The following NELL2 variants were observed in gnomAD, a reference collection of about 807,000 sequenced individuals.
The protein encoded by NELL2 is protein kinase C-binding protein NELL2.
NELL2 carries 41 observed loss-of-function variants against 109.6 expected under a neutral mutation model. The observed-to-expected ratio is 0.37, with a 90% CI of 0.29 to 0.49. NELL2 has a LOEUF of 0.49. Ranked by LOEUF, NELL2 falls within the 20% of genes least tolerant of loss-of-function variation. NELL2 has a pLI of 0.98. For missense variants in NELL2, 900 were observed against 1,008.3 expected, an observed-to-expected ratio of 0.89 and a Z score of 1.45; for synonymous variants, 355 against 344.7, an observed-to-expected ratio of 1.03 and a Z score of -0.33.
chr12:44,854,668 ATGGATGGATGGATGGG>A (rs1468248911), intron 2 of NELL2, among the ~76,000 whole-genome samples: 151 of 48,702 alleles, frequency 3.1e-3, no homozygotes, highest in Non-Finnish European at 6.0e-3. Flanking sequence ...GGATGGATGG[ATGGATGGATGGATGGG>A]TGGATGGATG....
At chr12:44,843,975 T>C (rs533874582) in intron 2 of NELL2, among the ~76,000 whole-genome samples, 4 of 152,234 alleles carry the variant, frequency 2.6e-5, no homozygotes, top group African/African-American at 7.2e-5. Context: ...TCAGCCATGA[T>C]TGTGTCACTG....
At position 44,766,848 on chromosome 12, in the gene NELL2, G is replaced by A. The variant is rs561953077; in HGVS notation, c.994+7899C>T. Among the ~76,000 whole-genome samples the A allele has an allele frequency of 3.2e-4, 49 of 152,230 alleles. 2 individuals carry two copies. In the South Asian group the frequency reaches 1.0e-2, roughly 31 times the overall value. On this transcript the variant is annotated intron_variant, in intron 9 of 19. Transcript: ENST00000429094. ...AACGCTTTCTTCTGAAAAGTCTTTG[G>A]TCACTTAAGCAATGCCATTATATGT...
At chr12:44,916,347 T>C (rs1300684882), upstream of NELL2, among the ~76,000 whole-genome samples, 1 of 151,580 alleles carries the variant, frequency 6.6e-6, no homozygotes, top group Non-Finnish European at 1.5e-5. Context: ...GAAGAGGAAG[T>C]GAAATAGAAA....
In NELL2 at chr12:44,685,587, A is replaced by G. The variant is rs370401907; in HGVS notation, c.1318+18139T>C. 7.2e-5 allele frequency among the ~76,000 whole-genome samples: 11 copies of G among 152,184 alleles called. No homozygotes were observed. In the East Asian group the frequency reaches 2.1e-3, roughly 30 times the overall value. ...CTTTCCAATGTTTAGCGCTTCCTTC[A>G]GGAGCTCTTTTATGGCAGCCCTGGT... On this transcript the variant is annotated intron_variant, in intron 12 of 19. Coordinates refer to ENST00000429094, the MANE Select transcript of NELL2 (RefSeq NM_001145108.2).
rs1941879227 is a variant in NELL2 at position 44,779,645 on chromosome 12, A to G, written c.606+18T>C. 2 of 1,594,700 alleles carry G rather than the reference A, an allele frequency of 1.3e-6. No homozygotes were observed. Among genetic ancestry groups the G allele is most frequent in the Admixed American group, 1.7e-5 (1 of 59,678 alleles). On this transcript the variant is annotated intron_variant, in intron 5 of 19. Transcript: ENST00000429094. ...GAAAGCATTTACATTTCATTCTCAGACTTTTGCCAAAAGATACCTTAAAAT... is the reference window on the plus strand; with the variant it reads ...GAAAGCATTTACATTTCATTCTCAGGCTTTTGCCAAAAGATACCTTAAAAT...
chr12:44,529,666 C>T (rs561167922), intron 16 of NELL2, among the ~76,000 whole-genome samples: 9 of 152,022 alleles, frequency 5.9e-5, no homozygotes, highest in Non-Finnish European at 1.2e-4. Flanking sequence ...AATTATGTTT[C>T]GAGAGAAAGG....
chr12:44,881,086 G>A (rs1340127630), upstream of NELL2: 2 of 151,976 alleles, frequency 1.3e-5, no homozygotes, highest in Non-Finnish European at 2.9e-5. Context: ...ACAAAAGGAA[G>A]ACAAGTCAAA....
At chr12:44,664,920 G>A (rs1032594526) in intron 13 of NELL2, among the ~76,000 whole-genome samples, 1 of 151,916 alleles carries the variant, frequency 6.6e-6, no homozygotes, top group African/African-American at 2.4e-5. Flanking sequence ...CCCCAAGCCA[G>A]GACCAACTTC....
At chr12:44,750,939 G>T (rs1213587771) in intron 9 of NELL2, among the ~76,000 whole-genome samples, 1 of 152,052 alleles carries the variant, frequency 6.6e-6, no homozygotes, top group Non-Finnish European at 1.5e-5. Flanking sequence ...AGGTGTTTGG[G>T]TTCTCCCTAA....
chr12:44,561,296 C>G (rs538223434), intron 15 of NELL2, among the ~76,000 whole-genome samples: 1 of 152,272 alleles, frequency 6.6e-6, no homozygotes, highest in South Asian at 2.1e-4. Flanking sequence ...TCTCACCATT[C>G]CTATTCAACA....
At chr12:44,657,187 TATC>T (rs1947535474) in intron 13 of NELL2, among the ~76,000 whole-genome samples, 2 of 152,100 alleles carry the variant, frequency 1.3e-5, no homozygotes, top group Admixed American at 1.3e-4. Flanking sequence ...GTGAAGAAAA[TATC>T]ATCATAAAAT....
chr12:44,729,533 C>T (rs1037448508), intron 9 of NELL2, among the ~76,000 whole-genome samples: 7 of 146,458 alleles, frequency 4.8e-5, no homozygotes, highest in Admixed American at 1.4e-4. Context: ...ATGGATTAAA[C>T]TGTCAAAAGA....
At chr12:44,603,463 TA>T (rs1453162034) in intron 15 of NELL2, among the ~76,000 whole-genome samples, 1 of 152,194 alleles carries the variant, frequency 6.6e-6, no homozygotes, top group Non-Finnish European at 1.5e-5. Context: ...TGCTGAGGTT[TA>T]GCAATTGTGT....
At chr12:44,765,690 C>A (rs1941300665) in intron 9 of NELL2, among the ~76,000 whole-genome samples, 3 of 152,170 alleles carry the variant, frequency 2.0e-5, no homozygotes, top group African/African-American at 7.2e-5. Flanking sequence ...GTTCTTACCA[C>A]CACCAACTCC....
chr12:44,545,189 G>T (rs1403702210), intron 15 of NELL2, among the ~76,000 whole-genome samples: 1 of 151,950 alleles, frequency 6.6e-6, no homozygotes, highest in African/African-American at 2.4e-5. Flanking sequence ...TTTAATAAAA[G>T]AATTCTGGAA....
Position 44,834,527 on chromosome 12 carries a change from A to G in NELL2, c.185-18391T>C, listed in dbSNP as rs1943991084. Among the ~76,000 whole-genome samples, 6 of 151,716 alleles carry G rather than the reference A, an allele frequency of 4.0e-5. No homozygotes were observed. In the South Asian group the frequency reaches 1.3e-3, roughly 32 times the overall value. ...TATATCACAAACATACGCTATGTAC[A>G]GCAACAAATACCCAGGGGGCCAGGC... On this transcript the variant is annotated intron_variant, in intron 2 of 19. Transcript: ENST00000429094.
At chr12:44,549,449 A>G (rs1038020597) in intron 15 of NELL2, among the ~76,000 whole-genome samples, 5 of 152,168 alleles carry the variant, frequency 3.3e-5, no homozygotes, top group Non-Finnish European at 5.9e-5. Context: ...GAAACACTTA[A>G]CTTTGGGCAG....
At chr12:44,806,452 A>C (rs1219428564) in intron 3 of NELL2, among the ~76,000 whole-genome samples, 4 of 151,900 alleles carry the variant, frequency 2.6e-5, no homozygotes. Flanking sequence ...TTACACATAC[A>C]CATACATATT....
chr12:44,726,953 T>C (rs532932171), intron 9 of NELL2, among the ~76,000 whole-genome samples: 1 of 152,268 alleles, frequency 6.6e-6, no homozygotes, highest in Non-Finnish European at 1.5e-5. Flanking sequence ...GTTGATTTCT[T>C]TTAATTTTTA....
Sources: allele counts gnomAD v4.1 joint callset (sites outside exome capture counted in the v4.1 genomes callset), GRCh38; gene constraint gnomAD v4.1.1; transcripts MANE v1.5; gene names NCBI Gene and HGNC (gene_info 2026-07-23, HGNC 2026-07-21).